The following XPR1 variants were observed in gnomAD, a reference collection of about 807,000 sequenced individuals.
XPR1 encodes solute carrier family 53 member 1.
Under a neutral mutation model 87.5 loss-of-function variants are expected in XPR1, and 28 were observed. The observed-to-expected ratio is 0.32, with a 90% CI of 0.24 to 0.44. The LOEUF is 0.44. Ranked by LOEUF, XPR1 falls within the 20% of genes least tolerant of loss-of-function variation. XPR1 has a pLI of 1.00. For synonymous variants in XPR1, 300 were observed against 306.1 expected, an observed-to-expected ratio of 0.98 and a Z score of 0.21; for missense variants, 559 against 862.3, an observed-to-expected ratio of 0.65 and a Z score of 4.41.
chr1:180,783,344 G>A (rs1347157541), intron 2 of XPR1, among the ~76,000 whole-genome samples: 1 of 152,000 alleles, frequency 6.6e-6, no homozygotes, highest in Non-Finnish European at 1.5e-5. Context: ...GATATGGTAT[G>A]TTTCTTTTTT....
chr1:180,841,537 T>C (rs1310826295), intron 11 of XPR1, among the ~76,000 whole-genome samples: 1 of 152,172 alleles, frequency 6.6e-6, no homozygotes, highest in Non-Finnish European at 1.5e-5. Context: ...AATGAAATAT[T>C]TTCTTTGCTG....
rs532150324 is a variant in XPR1 at position 180,735,036 on chromosome 1, T to C, written c.121+52625T>C. On this transcript the variant is annotated intron_variant, in intron 2 of 14. Transcript: ENST00000367590. Reference sequence around the variant, plus strand: ...GAATCACAGAAATAAAAATTAGTTCTCTTGACTTACTCATAGGAATTGGTC... The same window carrying C: ...GAATCACAGAAATAAAAATTAGTTCCCTTGACTTACTCATAGGAATTGGTC... Among the ~76,000 whole-genome samples, 119 of 152,370 alleles carry C rather than the reference T, an allele frequency of 7.8e-4. 2 individuals are homozygous for C. Among genetic ancestry groups the C allele is most frequent in the Non-Finnish European group, 1.3e-3 (87 of 68,042 alleles).
intron 3 of XPR1, among the ~76,000 whole-genome samples, chr1:180,800,198 G>A (rs1429833834): frequency 6.6e-6 from 1 of 152,100 alleles, no homozygotes; most frequent in Non-Finnish European, 1.5e-5. Flanking sequence ...GGACCAGCTG[G>A]GTCTTTTGTG....
At chr1:180,702,491 TA>T (rs1415202900) in intron 2 of XPR1, among the ~76,000 whole-genome samples, 2 of 152,116 alleles carry the variant, frequency 1.3e-5, no homozygotes, top group Non-Finnish European at 2.9e-5. Context: ...TTTCTTTCTT[TA>T]TTTTTTTTTG....
At chr1:180,721,738 A>T (rs1178305732) in intron 2 of XPR1, among the ~76,000 whole-genome samples, 1 of 152,200 alleles carries the variant, frequency 6.6e-6, no homozygotes, top group Non-Finnish European at 1.5e-5. Flanking sequence ...TTTCCTCAGC[A>T]TATTCAATGT....
chr1:180,713,149 G>C (rs1657863471), intron 2 of XPR1, among the ~76,000 whole-genome samples: 2 of 151,488 alleles, frequency 1.3e-5, no homozygotes, highest in African/African-American at 2.4e-5. Flanking sequence ...ATTTCTCTTT[G>C]GTCTTCTTTA....
At chr1:180,807,849 CA>C (rs1427089005) in intron 6 of XPR1, among the ~76,000 whole-genome samples, 1 of 152,048 alleles carries the variant, frequency 6.6e-6, no homozygotes, top group Admixed American at 6.6e-5. Context: ...GACTAAAATA[CA>C]AAAATTAGCT....
intron 3 of XPR1, 68 bp from the exon 4 acceptor site, chr1:180,803,320 A>T: frequency 7.0e-7 from 1 of 1,433,630 alleles, no homozygotes; most frequent in Non-Finnish European, 9.5e-7. Context: ...GGGAATTATT[A>T]AAAATTCAGA....
At chr1:180,655,867 A>G (rs555540018) in intron 1 of XPR1, among the ~76,000 whole-genome samples, 2 of 152,184 alleles carry the variant, frequency 1.3e-5, no homozygotes, top group Admixed American at 6.6e-5. Flanking sequence ...TATGGAGTAT[A>G]TAGCATATTT....
At chr1:180,643,105 A>G (rs1055843384) in intron 1 of XPR1, among the ~76,000 whole-genome samples, 1 of 152,178 alleles carries the variant, frequency 6.6e-6, no homozygotes, top group African/African-American at 2.4e-5. Context: ...TTTTCCTGGT[A>G]TGAAGCATTA....
At chr1:180,729,415 A>G (rs571188035) in intron 2 of XPR1, among the ~76,000 whole-genome samples, 4 of 152,176 alleles carry the variant, frequency 2.6e-5, no homozygotes, top group Non-Finnish European at 5.9e-5. Context: ...GTCATTCCCA[A>G]TAGTGGGAAT....
intron 2 of XPR1, among the ~76,000 whole-genome samples, chr1:180,766,342 ACTTTT>A (rs1219393485): frequency 6.6e-6 from 1 of 152,174 alleles, no homozygotes; most frequent in Non-Finnish European, 1.5e-5. Flanking sequence ...AAATCACATT[ACTTTT>A]CTGATGCACA....
In XPR1 at chr1:180,884,077, G is replaced by A; in HGVS notation, c.*11G>A. The A allele has an allele frequency of 6.2e-7, 1 of 1,613,458 alleles. No individual in the cohort carries two copies. Among genetic ancestry groups the A allele is most frequent in the African/African-American group, 1.3e-5 (1 of 75,002 alleles). ...GAAGCTAACACTTGAATTTTCTGAAGTCTAGCTTAACATCTTTGGTTTTCC... is the reference window on the plus strand; with the variant it reads ...GAAGCTAACACTTGAATTTTCTGAAATCTAGCTTAACATCTTTGGTTTTCC... On this transcript the variant is annotated 3_prime_UTR_variant, in exon 15 of 15. Transcript: ENST00000367590.
At chr1:180,773,303 A>G (rs917104146) in intron 2 of XPR1, among the ~76,000 whole-genome samples, 2 of 152,148 alleles carry the variant, frequency 1.3e-5, no homozygotes, top group Non-Finnish European at 2.9e-5. Flanking sequence ...GAGATAAGGA[A>G]AGTATGGCTG....
chr1:180,765,802 G>T (rs899342958), intron 2 of XPR1, among the ~76,000 whole-genome samples: 13 of 151,736 alleles, frequency 8.6e-5, no homozygotes, highest in African/African-American at 3.1e-4. Flanking sequence ...CAAGGATGGG[G>T]AACCCATGAA....
At chr1:180,727,098 C>T (rs905592288) in intron 2 of XPR1, among the ~76,000 whole-genome samples, 1 of 151,898 alleles carries the variant, frequency 6.6e-6, no homozygotes. Flanking sequence ...CTCCTGACCT[C>T]GTGATCTGCC....
At chr1:180,696,766 C>T (rs950497046) in intron 2 of XPR1, among the ~76,000 whole-genome samples, 2 of 151,958 alleles carry the variant, frequency 1.3e-5, no homozygotes, top group African/African-American at 2.4e-5. Flanking sequence ...TTTTTGTTTT[C>T]TGGTGATGTG....
chr1:180,800,613 T>C (rs1289816412), intron 3 of XPR1, among the ~76,000 whole-genome samples: 1 of 152,178 alleles, frequency 6.6e-6, no homozygotes, highest in Non-Finnish European at 1.5e-5. Flanking sequence ...AGCTAATAAA[T>C]GGGGTTTCTT....
chr1:180,710,924 A>G (rs947223821), intron 2 of XPR1, among the ~76,000 whole-genome samples: 1 of 150,630 alleles, frequency 6.6e-6, no homozygotes, highest in African/African-American at 2.5e-5. Flanking sequence ...GACGCTCCTC[A>G]CTTCCCAGAC....
Sources: gnomAD v4.1 joint callset for allele counts (sites outside exome capture counted in the v4.1 genomes callset) on GRCh38, gnomAD v4.1.1 for gene constraint, MANE v1.5 for transcripts, NCBI Gene and HGNC (gene_info 2026-07-23, HGNC 2026-07-21) for gene names.